The following ZNF724 variants were observed in gnomAD, a reference collection of about 807,000 sequenced individuals.
The protein encoded by ZNF724 is zinc finger protein 724 pseudogene.
A neutral mutation model predicts 29.3 loss-of-function variants in ZNF724; 14 were observed. The ratio of observed to expected loss-of-function variants is 0.48; its 90% CI spans 0.32 to 0.75. The LOEUF (loss-of-function observed/expected upper bound fraction) is 0.75, where lower values mean the gene tolerates loss of function less well. Among genes scored for constraint, ZNF724 ranks in the 30% least tolerant of loss-of-function variants. The pLI is 0.04. For synonymous variants in ZNF724, 180 were observed against 193.6 expected, an observed-to-expected ratio of 0.93 and a Z score of 0.58; for missense variants, 557 against 571.2, an observed-to-expected ratio of 0.98 and a Z score of 0.25.
chr19:23,247,269 T>C (rs1305331091), intron 1 of ZNF724, among the ~76,000 whole-genome samples: 5 of 152,040 alleles, frequency 3.3e-5, no homozygotes, highest in Non-Finnish European at 5.9e-5. Flanking sequence ...AAACTCACAG[T>C]GGGGAAAAAA....
At chr19:23,233,001 ATC>A (rs1234319186) in intron 1 of ZNF724, among the ~76,000 whole-genome samples, 3 of 152,188 alleles carry the variant, frequency 2.0e-5, no homozygotes, top group African/African-American at 7.2e-5. Flanking sequence ...TAGTGAAAAA[ATC>A]TGTCAGACAG....
chr19:23,234,641 G>C (rs1052687758), intron 1 of ZNF724, among the ~76,000 whole-genome samples: 1 of 151,878 alleles, frequency 6.6e-6, no homozygotes, highest in Non-Finnish European at 1.5e-5. Flanking sequence ...TAGTAGAGAC[G>C]GGATTTTACC....
intron 1 of ZNF724, chr19:23,242,492 G>C (rs1259812912): frequency 6.6e-6 from 1 of 151,814 alleles, no homozygotes; most frequent in East Asian, 1.9e-4. Flanking sequence ...GAGTCGGGTG[G>C]ATCACGAGGT....
chr19:23,239,136 C>T (rs575152811), intron 1 of ZNF724, among the ~76,000 whole-genome samples: 1 of 152,274 alleles, frequency 6.6e-6, no homozygotes, highest in East Asian at 1.9e-4. Context: ...TGGGAGACTA[C>T]AACACCCCAC....
intron 1 of ZNF724, among the ~76,000 whole-genome samples, chr19:23,240,275 C>T (rs1200031367): frequency 1.2e-5 from 1 of 82,566 alleles, no homozygotes; most frequent in Non-Finnish European, 2.5e-5. Flanking sequence ...CAGAGCGAGA[C>T]TCTGTCAAAA....
At chr19:23,228,821 A>G (rs1971884423) in intron 3 of ZNF724, among the ~76,000 whole-genome samples, 1 of 150,062 alleles carries the variant, frequency 6.7e-6, no homozygotes, top group South Asian at 2.1e-4. Context: ...ACCTGGGAGG[A>G]GGACGTTGCA....
chr19:23,236,862 T>A (rs1163619388), intron 1 of ZNF724: 2 of 151,544 alleles, frequency 1.3e-5, no homozygotes, highest in African/African-American at 4.8e-5. Context: ...TTATTTTTAT[T>A]TTTTTTTTGA....
intron 1 of ZNF724, among the ~76,000 whole-genome samples, chr19:23,243,752 G>A (rs901504994): frequency 3.3e-5 from 5 of 151,254 alleles, no homozygotes; most frequent in African/African-American, 7.3e-5. Context: ...ATGAAACCTC[G>A]TCTCTACTAA....
At chr19:23,243,219 C>T (rs1429198606) in intron 1 of ZNF724, among the ~76,000 whole-genome samples, 1 of 151,934 alleles carries the variant, frequency 6.6e-6, no homozygotes. Context: ...TGGCCCACAC[C>T]TGTAATCCAA....
At chr19:23,248,359 A>G (rs978623133) in intron 1 of ZNF724, among the ~76,000 whole-genome samples, 1 of 152,216 alleles carries the variant, frequency 6.6e-6, no homozygotes, top group African/African-American at 2.4e-5. Context: ...CGAGATTGTC[A>G]GAACTGGAAA....
At chr19:23,250,021 C>T (rs1972322303) in intron 1 of ZNF724, among the ~76,000 whole-genome samples, 2 of 152,100 alleles carry the variant, frequency 1.3e-5, no homozygotes, top group African/African-American at 4.8e-5. Context: ...GGTCAGGGCA[C>T]AGTCACTGGG....
At chr19:23,248,843 A>C (rs1191628704) in intron 1 of ZNF724, among the ~76,000 whole-genome samples, 3 of 151,992 alleles carry the variant, frequency 2.0e-5, no homozygotes, top group African/African-American at 7.2e-5. Context: ...AAAAATACAA[A>C]AATTAGCCGG....
Position 23,222,822 on chromosome 19 carries a change from C to T in ZNF724, c.1423G>A (p.Glu475Lys). ...CATTCTTCACATTTGTAGGGTTTCT[C>T]TCCAGTATGAATTATCCTATGTTCA... ...LTEHRIIHTG[E>K]KPYKCEECGK... Residue 475 changes from glutamate (E) to lysine (K), a missense_variant, in exon 4 of 4, where the codon GAG (glutamate) becomes AAG (lysine). This residue lies in a region of ZNF724 where 170 missense variants were observed against 220.7 expected (regional missense o/e 0.77). Transcript: ENST00000418100. 1.4e-6 allele frequency: 2 copies of T among 1,422,754 alleles called. No homozygotes were observed. The highest frequency in any genetic ancestry group is 2.0e-6 in the Non-Finnish European group (2 of 1,012,834). 88.1% of individuals were successfully genotyped at this position (1,422,754 alleles called of 1,614,324 possible).
intron 3 of ZNF724, 110 bp from the exon 4 acceptor site, chr19:23,224,128 AAGGCC>A (rs1376890808): frequency 1.9e-6 from 1 of 536,036 alleles, no homozygotes; most frequent in African/African-American, 1.9e-5. Context: ...ATTGCATAAG[AAGGCC>A]AGGCATGGTA....
At position 23,223,266 on chromosome 19, in the gene ZNF724, T is replaced by G. The variant is rs899125403; in HGVS notation, c.979A>C (p.Lys327Gln). ...TCACCAGTATGAATTCTCTTATGTT[T>G]AGTAAGGTTCGAGGATTGGTTAAAA... ...RAFNQSSNLT[K>Q]HKRIHTGDKP... The change falls in exon 4 of 4, where the codon AAA becomes CAA. Residue 327 changes from lysine to glutamine, a missense_variant. This residue lies in a region of ZNF724 where 362 missense variants were observed against 295.5 expected (regional missense o/e 1.22). Coordinates refer to ENST00000418100, the MANE Select transcript of ZNF724 (RefSeq NM_001355404.2). The G allele has an allele frequency of 7.1e-6, 6 of 842,262 alleles. No homozygotes were observed. Among genetic ancestry groups the G allele is most frequent in the Admixed American group, 3.6e-5 (2 of 55,396 alleles). The allele number at this position is 842,262 out of a possible 1,614,324, so 52.2% of individuals were successfully genotyped here. A position where few individuals can be genotyped will look rare whatever the true frequency, so the allele number is the denominator to read the frequency against.
chr19:23,223,351 A>G lies in ZNF724; in HGVS notation c.894T>C (p.Thr298=), dbSNP rs1452497810. ...GKAFNQSSTL[T]RHKIIHAGEK... ...CTCCAGCATGAATTATCTTATGTCT[A>G]GTAAGGGTTGATGATTGGTTAAAAG... is the stretch of plus-strand genomic sequence containing the variant. Residue 298 remains threonine, a synonymous_variant, in exon 4 of 4, where the codon ACT becomes ACC. Transcript: ENST00000418100. 2.6e-6 allele frequency: 2 copies of G among 769,282 alleles called. No homozygotes were observed. The highest frequency in any genetic ancestry group is 4.8e-6 in the Non-Finnish European group (2 of 413,278). The allele number at this position is 769,282 out of a possible 1,614,324, so 47.7% of individuals were successfully genotyped here.
chr19:23,240,490 G>C (rs1972102017), intron 1 of ZNF724, among the ~76,000 whole-genome samples: 1 of 151,942 alleles, frequency 6.6e-6, no homozygotes, highest in African/African-American at 2.4e-5. Flanking sequence ...TGTGCACTAG[G>C]TCCAAACAGA....
At position 23,223,414 on chromosome 19, in the gene ZNF724, A is replaced by G. The variant is rs1484862148; in HGVS notation, c.831T>C (p.Thr277=). The G allele has an allele frequency of 2.6e-6, 2 of 771,710 alleles. No individual in the cohort carries two copies. The highest frequency in any genetic ancestry group is 2.7e-5 in the South Asian group (2 of 73,840). 47.8% of individuals were successfully genotyped at this position (771,710 alleles called of 1,614,324 possible). A position where few individuals can be genotyped will look rare whatever the true frequency, so the allele number is the denominator to read the frequency against. ...CTTTACATTTGTAGGCATTCTCTCC[A>G]GTATGAATTATCTTATGTGTAGTAA... ...SHLTTHKIIH[T]GENAYKCKEC... Residue 277 remains threonine, a synonymous_variant, in exon 4 of 4, where the codon ACT becomes ACC. Transcript: ENST00000418100.
At position 23,223,281 on chromosome 19, in the gene ZNF724, A is replaced by G. The variant is rs1381306045; in HGVS notation, c.964T>C (p.Ser322Pro). 1.2e-6 allele frequency: 1 copy of G among 806,456 alleles called. No individual in the cohort carries two copies. The highest frequency in any genetic ancestry group is 2.2e-6 in the Non-Finnish European group (1 of 450,886). 50.0% of individuals were successfully genotyped at this position (806,456 alleles called of 1,614,324 possible). A position where few individuals can be genotyped will look rare whatever the true frequency, so the allele number is the denominator to read the frequency against. ...CTCTTATGTTTAGTAAGGTTCGAGG[A>G]TTGGTTAAAAGCTCTGCCACAATGT... The part of the protein sequence containing the change: ...CEHCGRAFNQ[S>P]SNLTKHKRIH... Residue 322 changes from serine (S) to proline (P), a missense_variant, in exon 4 of 4, where the codon TCC becomes CCC. By Grantham distance (74) the Ser-to-Pro change is moderately conservative. This residue lies in a region of ZNF724 where 362 missense variants were observed against 295.5 expected (regional missense o/e 1.22). Coordinates refer to ENST00000418100, the MANE Select transcript of ZNF724 (RefSeq NM_001355404.2).
Sources: gnomAD v4.1 joint callset for allele counts (sites outside exome capture counted in the v4.1 genomes callset) on GRCh38, gnomAD v4.1.1 for gene constraint, gnomAD v4.1.1 regional missense constraint, MANE v1.5 for transcripts, NCBI Gene and HGNC (gene_info 2026-07-23, HGNC 2026-07-21) for gene names.